Variants in ELMO1 observed in about 807,000 individuals in gnomAD.
The protein encoded by ELMO1 is engulfment and cell motility 1, also known as engulfment and cell motility protein 1.
ELMO1 carries 26 observed loss-of-function variants against 98.9 expected under a neutral mutation model. The observed-to-expected ratio is 0.26, with a 90% CI of 0.19 to 0.36. ELMO1 has a LOEUF of 0.36. ELMO1 is among the 10% of genes least tolerant of loss of function. The pLI is 1.00. For synonymous variants in ELMO1, 346 were observed against 346.0 expected (o/e 1.00, Z 0.00); for missense variants, 627 against 935.2 (o/e 0.67, Z 4.30).
chr7:37,037,505 A>T (rs1415001304), intron 15 of ELMO1, among the ~76,000 whole-genome samples: 1 of 152,214 alleles, frequency 6.6e-6, no homozygotes, highest in East Asian at 1.9e-4. Flanking sequence ...GTGAGGACTT[A>T]GGAAGCAGTG....
At chr7:37,246,862 A>T (rs1356144564) in intron 6 of ELMO1, among the ~76,000 whole-genome samples, 1 of 149,944 alleles carries the variant, frequency 6.7e-6, no homozygotes, top group African/African-American at 2.5e-5. Flanking sequence ...CTATCTATAT[A>T]TATCTCTATC....
intron 13 of ELMO1, among the ~76,000 whole-genome samples, chr7:37,147,059 C>T (rs1788034087): frequency 6.6e-6 from 1 of 151,720 alleles, no homozygotes; most frequent in East Asian, 1.9e-4. Context: ...GGTCCATTAG[C>T]AAGAAGAAAT....
intron 1 of ELMO1, among the ~76,000 whole-genome samples, chr7:37,347,326 T>C (rs1770439412): frequency 6.6e-6 from 1 of 152,188 alleles, no homozygotes. Context: ...CATACTTCTT[T>C]GCTGTAGGAG....
At chr7:37,434,578 A>C (rs1805066314) in intron 1 of ELMO1, among the ~76,000 whole-genome samples, 1 of 152,252 alleles carries the variant, frequency 6.6e-6, no homozygotes, top group Non-Finnish European at 1.5e-5. Context: ...TGAAGCCAGA[A>C]GGATCTTTTC....
intron 14 of ELMO1, among the ~76,000 whole-genome samples, chr7:37,110,874 A>G (rs1001749266): frequency 2.6e-5 from 4 of 152,210 alleles, no homozygotes; most frequent in Non-Finnish European, 5.9e-5. Context: ...GCACCCTTGC[A>G]TGGCTGGGTA....
At chr7:37,399,448 C>T (rs1422507284) in intron 1 of ELMO1, among the ~76,000 whole-genome samples, 1 of 152,200 alleles carries the variant, frequency 6.6e-6, no homozygotes, top group Admixed American at 6.5e-5. Flanking sequence ...GGCATAGCCA[C>T]CTTGCACCAG....
chr7:37,167,990 T>G (rs1297572946), intron 13 of ELMO1, among the ~76,000 whole-genome samples: 3 of 152,058 alleles, frequency 2.0e-5, no homozygotes, highest in Admixed American at 2.0e-4. Flanking sequence ...CAGACGTAGA[T>G]TTGGTCTTTT....
At chr7:36,956,657 C>T (rs935137395) in intron 16 of ELMO1, among the ~76,000 whole-genome samples, 7 of 152,192 alleles carry the variant, frequency 4.6e-5, no homozygotes, top group African/African-American at 7.2e-5. Flanking sequence ...CATCTTGTGA[C>T]AGCTTATAGT....
chr7:36,937,971 A>G (rs1460186487), intron 16 of ELMO1, among the ~76,000 whole-genome samples: 1 of 152,222 alleles, frequency 6.6e-6, no homozygotes, highest in African/African-American at 2.4e-5. Context: ...AGCTGCAAAT[A>G]ATGTCTGCTT....
intron 16 of ELMO1, among the ~76,000 whole-genome samples, chr7:36,990,908 T>C (rs1262036571): frequency 1.3e-5 from 2 of 152,170 alleles, no homozygotes; most frequent in East Asian, 1.9e-4. Flanking sequence ...ACCATTTATA[T>C]TGAGCCTTTA....
intron 4 of ELMO1, among the ~76,000 whole-genome samples, chr7:37,280,067 T>C (rs755866269): frequency 6.6e-6 from 1 of 152,174 alleles, no homozygotes; most frequent in Non-Finnish European, 1.5e-5. Context: ...AACCAACTGA[T>C]CTTCGACAAA....
At chr7:36,942,403 T>C (rs1294201183) in intron 16 of ELMO1, among the ~76,000 whole-genome samples, 4 of 152,164 alleles carry the variant, frequency 2.6e-5, no homozygotes, top group Non-Finnish European at 4.4e-5. Flanking sequence ...ATGTCAACAA[T>C]GCTTAAAATA....
At chr7:37,256,678 G>C (rs1795673242) in intron 6 of ELMO1, among the ~76,000 whole-genome samples, 1 of 139,822 alleles carries the variant, frequency 7.2e-6, no homozygotes, top group African/African-American at 2.7e-5. Context: ...GGAGAGAAGG[G>C]AGAAGGAGGG....
intron 5 of ELMO1, among the ~76,000 whole-genome samples, chr7:37,263,298 G>C (rs1319164707): frequency 6.6e-6 from 1 of 151,364 alleles, no homozygotes; most frequent in Non-Finnish European, 1.5e-5. Flanking sequence ...TCTCAGACAA[G>C]TCTTTCCAGT....
chr7:37,383,713 T>C (rs1473100326), intron 1 of ELMO1, among the ~76,000 whole-genome samples: 2 of 152,362 alleles, frequency 1.3e-5, no homozygotes, highest in East Asian at 3.9e-4. Context: ...TTTAATGTCG[T>C]AACTATGTTA....
At chr7:37,101,330 C>T (rs1784628384) in intron 14 of ELMO1, among the ~76,000 whole-genome samples, 1 of 152,078 alleles carries the variant, frequency 6.6e-6, no homozygotes, top group African/African-American at 2.4e-5. Flanking sequence ...GAACAAGGAC[C>T]CTGTTGTAAC....
At chr7:37,286,513 C>T (rs1222844964) in intron 4 of ELMO1, among the ~76,000 whole-genome samples, 1 of 152,226 alleles carries the variant, frequency 6.6e-6, no homozygotes, top group Non-Finnish European at 1.5e-5. Context: ...CCACACCACA[C>T]AGTGTTATTA....
chr7:36,884,009 T>A (rs1584304624), intron 18 of ELMO1, among the ~76,000 whole-genome samples: 1 of 152,070 alleles, frequency 6.6e-6, no homozygotes, highest in Non-Finnish European at 1.5e-5. Flanking sequence ...CCCATGCTAC[T>A]CCACCTCCTG....
chr7:36,900,517 A>G (rs879629186), intron 16 of ELMO1, among the ~76,000 whole-genome samples: 2 of 152,202 alleles, frequency 1.3e-5, no homozygotes, highest in Non-Finnish European at 2.9e-5. Context: ...ACTTTCACAA[A>G]GCCAAAGAAC....
Sources: allele counts gnomAD v4.1 joint callset (sites outside exome capture counted in the v4.1 genomes callset), GRCh38; gene constraint gnomAD v4.1.1; transcripts MANE v1.5; gene names NCBI Gene and HGNC (gene_info 2026-07-23, HGNC 2026-07-21).